The following HELZ variants were observed in gnomAD, a reference collection of about 807,000 sequenced individuals.
The protein encoded by HELZ is helicase with zinc finger, also known as ATP-dependent RNA helicase with zinc finger domain.
HELZ carries 23 observed loss-of-function variants against 218.2 expected under a neutral mutation model. That is an observed-to-expected ratio of 0.11 (90% CI 0.08 to 0.15). HELZ has a LOEUF of 0.15. Ranked by LOEUF, HELZ falls within the 10% of genes least tolerant of loss-of-function variation. The pLI is 1.00. For missense variants in HELZ, 1,813 were observed against 2,353.7 expected (o/e 0.77, Z 4.75); for synonymous variants, 814 against 829.4 (o/e 0.98, Z 0.32).
intron 2 of HELZ, among the ~76,000 whole-genome samples, chr17:67,240,718 C>G (rs2041295725): frequency 6.6e-6 from 1 of 152,166 alleles, no homozygotes; most frequent in Admixed American, 6.6e-5. Flanking sequence ...GACGATGAAT[C>G]AAGTTCTTTT....
rs894081035 is a variant in HELZ at position 67,075,112 on chromosome 17, A to C, written c.*3140T>G. On this transcript the variant is annotated 3_prime_UTR_variant, in exon 33 of 33. Coordinates refer to ENST00000358691, the MANE Select transcript of HELZ (RefSeq NM_014877.4). ...CATGTTACACGGAATGAGGTTCTTCAAATCGTAACAAAAGACCATTTTTAG... is the reference window on the plus strand; with the variant it reads ...CATGTTACACGGAATGAGGTTCTTCCAATCGTAACAAAAGACCATTTTTAG... The C allele has an allele frequency of 6.6e-6, 1 of 152,198 alleles. No individual in the cohort carries two copies. Among genetic ancestry groups the C allele is most frequent in the Non-Finnish European group, 1.5e-5 (1 of 68,014 alleles). The allele number at this position is 152,198 out of a possible 1,614,324, so 9.4% of individuals were successfully genotyped here.
At chr17:67,123,408 T>C (rs2037680194) in intron 25 of HELZ, among the ~76,000 whole-genome samples, 1 of 152,202 alleles carries the variant, frequency 6.6e-6, no homozygotes, top group African/African-American at 2.4e-5. Context: ...AAATATTTTC[T>C]GAGGAACTCA....
At chr17:67,093,446 TTAA>T (rs2036633736) in intron 31 of HELZ, among the ~76,000 whole-genome samples, 2 of 152,132 alleles carry the variant, frequency 1.3e-5, no homozygotes, top group African/African-American at 4.8e-5. Context: ...TCAAAAAAGA[TTAA>T]TAATAATAGA....
intron 6 of HELZ, 128 bp downstream of exon 6, chr17:67,203,191 G>T: frequency 2.3e-6 from 2 of 884,380 alleles, no homozygotes; most frequent in Non-Finnish European, 3.5e-6. Context: ...GGATACTCAT[G>T]AATTTTGCTT....
At chr17:67,229,493 G>A (rs939430666) in intron 3 of HELZ, among the ~76,000 whole-genome samples, 9 of 152,116 alleles carry the variant, frequency 5.9e-5, no homozygotes, top group African/African-American at 2.2e-4. Flanking sequence ...TAAATGCATC[G>A]TGTAAAATGC....
intron 3 of HELZ, 140 bp from the exon 4 acceptor site, chr17:67,218,962 G>A (rs886074447): frequency 1.6e-6 from 1 of 612,690 alleles, no homozygotes; most frequent in Non-Finnish European, 2.9e-6. Context: ...CAGCTAAGCA[G>A]CAGCTATTGA....
chr17:67,126,874 G>GTAA (rs143940750), intron 24 of HELZ, among the ~76,000 whole-genome samples: 101 of 151,086 alleles, frequency 6.7e-4, no homozygotes, highest in African/African-American at 2.3e-3. Flanking sequence ...AATAATAATA[G>GTAA]TAATAATAAT....
chr17:67,078,329 C>G lies in HELZ; in HGVS notation c.5752G>C (p.Asp1918His), dbSNP rs371535921. Residue 1918 changes from aspartate (D) to histidine (H), a missense_variant, in exon 33 of 33, where the codon GAC (aspartate) becomes CAC (histidine). Transcript: ENST00000358691. ...PPPEQAKKSS[D>H]PLSLFQELSL... is the part of the protein sequence containing the mutation. Reference sequence around the variant, plus strand: ...AGTTCCTGGAAGAGAGACAGAGGGTCGCTACTCTTCTTGGCCTGCTCAGGA... The same window carrying G: ...AGTTCCTGGAAGAGAGACAGAGGGTGGCTACTCTTCTTGGCCTGCTCAGGA... 2 of 1,614,002 alleles carry G rather than the reference C, an allele frequency of 1.2e-6. No homozygotes were observed. The highest frequency in any genetic ancestry group is 1.7e-6 in the Non-Finnish European group (2 of 1,179,964).
chr17:67,158,957 C>G (rs1391400805), intron 17 of HELZ, among the ~76,000 whole-genome samples: 1 of 152,134 alleles, frequency 6.6e-6, no homozygotes, highest in Non-Finnish European at 1.5e-5. Flanking sequence ...GGGCTTTACT[C>G]CACTGTTTTC....
intron 5 of HELZ, among the ~76,000 whole-genome samples, chr17:67,206,104 T>TA (rs1442465263): frequency 6.6e-6 from 1 of 152,224 alleles, no homozygotes; most frequent in Non-Finnish European, 1.5e-5. Context: ...GTCTCGGCTA[T>TA]AAAAACTGAA....
At chr17:67,245,369 G>A, upstream of HELZ, 3 of 732,772 alleles carry the variant, frequency 4.1e-6, no homozygotes, top group South Asian at 6.1e-5. Flanking sequence ...CCGGGCTGAC[G>A]GCATTGAAAA....
At chr17:67,116,800 T>A (rs750852278) in intron 27 of HELZ, among the ~76,000 whole-genome samples, 25 of 152,274 alleles carry the variant, frequency 1.6e-4, no homozygotes, top group Middle Eastern at 3.4e-3. Context: ...AAGAGTAGAA[T>A]CAGCAAGGAT....
chr17:67,078,290 A>G lies in HELZ; in HGVS notation c.5791T>C (p.Ser1931Pro). ...SLFQELSLGSSSGSNGFYSYF... is the reference protein window; with the variant it reads ...SLFQELSLGSPSGSNGFYSYF... ...GAGTAAAAGCCATTGCTGCCAGATGAGCTCCCTAGGCTCAGTTCCTGGAAG... is the reference window on the plus strand; with the variant it reads ...GAGTAAAAGCCATTGCTGCCAGATGGGCTCCCTAGGCTCAGTTCCTGGAAG... The change falls in exon 33 of 33, where the codon TCA (serine) becomes CCA (proline). Residue 1931 changes from serine (S) to proline (P), a missense_variant. Physicochemically the swap from Ser to Pro is moderately conservative, Grantham distance 74. This residue lies in a region of HELZ where 938 missense variants were observed against 1,027.5 expected (regional missense o/e 0.91). Coordinates refer to ENST00000358691, the MANE Select transcript of HELZ (RefSeq NM_014877.4). The G allele has an allele frequency of 6.2e-7, 1 of 1,613,920 alleles. No individual in the cohort carries two copies. The highest frequency in any genetic ancestry group is 8.5e-7 in the Non-Finnish European group (1 of 1,179,928).
chr17:67,128,160 A>G (rs1235053453), intron 24 of HELZ, among the ~76,000 whole-genome samples: 1 of 152,204 alleles, frequency 6.6e-6, no homozygotes, highest in Non-Finnish European at 1.5e-5. Context: ...AAATCAATTA[A>G]AGTCATCTTC....
Position 67,086,692 on chromosome 17 carries a change from C to T in HELZ, c.5494+137G>A, listed in dbSNP as rs2036402906. On this transcript the variant is annotated intron_variant, in intron 32 of 32. Transcript: ENST00000358691. ...ATCAATATAGTCCTAAATTGCACACCTATGAGCTATTAGCATCATTAAATA... is the reference window on the plus strand; with the variant it reads ...ATCAATATAGTCCTAAATTGCACACTTATGAGCTATTAGCATCATTAAATA... The T allele has an allele frequency of 1.1e-5, 6 of 546,822 alleles. No homozygotes were observed. In the Admixed American group the frequency reaches 1.8e-4, roughly 17 times the overall value. The allele number at this position is 546,822 out of a possible 1,614,324, so 33.9% of individuals were successfully genotyped here.
chr17:67,145,544 T>C (rs1321420835), intron 21 of HELZ, among the ~76,000 whole-genome samples, 199 bp downstream of exon 21: 1 of 152,166 alleles, frequency 6.6e-6, no homozygotes, highest in African/African-American at 2.4e-5. Flanking sequence ...AAAATGTAAA[T>C]CAAAGTTTTT....
At chr17:67,215,819 T>A in intron 5 of HELZ, 80 bp downstream of exon 5, 2 of 939,448 alleles carry the variant, frequency 2.1e-6, no homozygotes, top group Non-Finnish European at 3.4e-6. Context: ...ATTATCATCA[T>A]TTTTGAAATT....
intron 31 of HELZ, among the ~76,000 whole-genome samples, chr17:67,095,509 C>G (rs1217001527): frequency 6.6e-6 from 1 of 152,200 alleles, no homozygotes; most frequent in African/African-American, 2.4e-5. Context: ...GATTGCACCA[C>G]TGCACTCCAA....
chr17:67,231,267 T>C (rs1567912744), intron 3 of HELZ, among the ~76,000 whole-genome samples: 1 of 152,070 alleles, frequency 6.6e-6, no homozygotes, highest in African/African-American at 2.4e-5. Context: ...ACTGGTGAAA[T>C]CCAAATAAAG....
Sources: gnomAD v4.1 joint callset for allele counts (sites outside exome capture counted in the v4.1 genomes callset) on GRCh38, gnomAD v4.1.1 for gene constraint, gnomAD v4.1.1 regional missense constraint, MANE v1.5 for transcripts, NCBI Gene and HGNC (gene_info 2026-07-23, HGNC 2026-07-21) for gene names.